The following TRPM4 variants were observed in gnomAD, a reference collection of about 807,000 sequenced individuals.
TRPM4 encodes transient receptor potential cation channel subfamily M member 4.
In TRPM4, 124 loss-of-function variants were observed where a neutral mutation model predicts 135.6. That is an observed-to-expected ratio of 0.91 (90% CI 0.79 to 1.06). TRPM4 has a LOEUF of 1.06. Among genes scored for constraint, TRPM4 ranks in the 50% least tolerant of loss-of-function variants. TRPM4 has a pLI of 0.00. For missense variants in TRPM4, 1,658 were observed against 1,671.4 expected, an observed-to-expected ratio of 0.99 and a Z score of 0.14; for synonymous variants, 745 against 705.6, an observed-to-expected ratio of 1.06 and a Z score of -0.88.
At chr19:49,161,746 C>T (rs1342020097) in intron 2 of TRPM4, among the ~76,000 whole-genome samples, 2 of 152,012 alleles carry the variant, frequency 1.3e-5, no homozygotes, top group African/African-American at 2.4e-5. Flanking sequence ...TCTCCTGCCT[C>T]AGCCCCCCGA....
In TRPM4 at chr19:49,165,921, C is replaced by A. The variant is rs974470371; in HGVS notation, c.93-120C>A. 6 of 1,055,378 alleles carry A rather than the reference C, an allele frequency of 5.7e-6. No individual in the cohort carries two copies. In the South Asian group the frequency reaches 9.0e-5, roughly 16 times the overall value. The allele number at this position is 1,055,378 out of a possible 1,614,324, so 65.4% of individuals were successfully genotyped here. A position where few individuals can be genotyped will look rare whatever the true frequency, so the allele number is the denominator to read the frequency against. On this transcript the variant is annotated intron_variant, in intron 2 of 24. Transcript: ENST00000252826. The stretch of plus-strand genomic sequence containing the variant: ...AGGGCCAGGGGCAGCGTGGACTCTG[C>A]CTGCCTCTGTGGGTGTGGACTCAGT...
chr19:49,196,708 G>T lies in TRPM4; in HGVS notation c.2479G>T (p.Glu827Ter), dbSNP rs1359936280. 2 of 1,552,016 alleles carry T rather than the reference G, an allele frequency of 1.3e-6. No homozygotes were observed. The highest frequency in any genetic ancestry group is 1.7e-6 in the Non-Finnish European group (2 of 1,154,960). Reference sequence around the variant, plus strand: ...TTTCTGGGCTTTCACGCTGCTGTGCGAGGAACTGCGCCAGGGCCTGAGCGG... The same window carrying T: ...TTTCTGGGCTTTCACGCTGCTGTGCTAGGAACTGCGCCAGGGCCTGAGCGG... ...LYFWAFTLLC[E>*]ELRQGLSGGG... The change falls in exon 17 of 25, where the codon GAG (glutamate) becomes TAG (stop). Residue 827 changes from glutamate (E) to a stop codon, truncating the protein, a stop_gained. Transcript: ENST00000252826. LOFTEE classifies it high-confidence loss of function.
Position 49,182,695 on chromosome 19 carries a change from G to T in TRPM4, c.1381G>T (p.Ala461Ser), listed in dbSNP as rs955127857. The change falls in exon 11 of 25, where the codon GCC (alanine) becomes TCC (serine). Residue 461 changes from alanine (A) to serine (S), a missense_variant. This residue lies in a region of TRPM4 where 1,412 missense variants were observed against 1,408.7 expected (regional missense o/e 1.00). Transcript: ENST00000252826. ...CCACTTCCTGACCCCGATGCGCCTG[G>T]CCCAACTCTACAGCGCGGCGCCCTC... ...LGHFLTPMRL[A>S]QLYSAAPSNS... is the part of the protein sequence containing the mutation. 1 of 1,614,118 alleles carries T rather than the reference G, an allele frequency of 6.2e-7. No individual in the cohort carries two copies. Among genetic ancestry groups the T allele is most frequent in the African/African-American group, 1.3e-5 (1 of 75,060 alleles).
chr19:49,211,344 C>T lies in TRPM4; in HGVS notation c.3640+75C>T. 1.9e-6 allele frequency: 3 copies of T among 1,573,142 alleles called. No homozygotes were observed. Among genetic ancestry groups the T allele is most frequent in the Non-Finnish European group, 2.6e-6 (3 of 1,149,348 alleles). On this transcript the variant is annotated intron_variant, in intron 24 of 24. Coordinates refer to ENST00000252826, the MANE Select transcript of TRPM4 (RefSeq NM_017636.4). This position sits in a 1 kb window ranked among gnomAD's most constrained non-coding sequence, Gnocchi z 4.8. ...TTTGCGTGTTTTTCTCTCTCGGCAC[C>T]TTTCCAGTGTCCCTGGGTCACTCTC...
intron 2 of TRPM4, 166 bp downstream of exon 2, chr19:49,158,425 A>G: frequency 1.4e-6 from 1 of 693,172 alleles, no homozygotes. Context: ...GGGTCTGTGT[A>G]GACACCCCTC....
Position 49,189,067 on chromosome 19 carries a change from C to CTTCTT in TRPM4, c.1997_2001dup (p.Ala668SerfsTer11), listed in dbSNP as rs1729786443. The CTTCTT allele has an allele frequency of 1.2e-6, 2 of 1,614,196 alleles. No homozygotes were observed. Among genetic ancestry groups the CTTCTT allele is most frequent in the Non-Finnish European group, 8.5e-7 (1 of 1,180,028 alleles). On this transcript the variant is annotated frameshift_variant, in exon 14 of 25. Transcript: ENST00000252826. LOFTEE classifies it high-confidence loss of function. ...TGGCCATGCAAGCTGACGCCCGTGC[C>CTTCTT]TTCTTTGCCCAGGATGGGGTACAGG... is the stretch of plus-strand genomic sequence containing the variant.
At chr19:49,178,480 G>A (rs76188690) in intron 9 of TRPM4, among the ~76,000 whole-genome samples, 2 of 152,206 alleles carry the variant, frequency 1.3e-5, no homozygotes, top group African/African-American at 4.8e-5. Context: ...GAGGCTGGAC[G>A]TGGGACATGA....
chr19:49,202,947 A>G (rs1206187232), intron 20 of TRPM4, among the ~76,000 whole-genome samples: 1 of 139,912 alleles, frequency 7.1e-6, no homozygotes. Context: ...CAGTGGCACG[A>G]TCTCACAATC....
intron 9 of TRPM4, among the ~76,000 whole-genome samples, chr19:49,173,728 G>C (rs1415474643): frequency 7.2e-5 from 11 of 151,994 alleles, no homozygotes; most frequent in Admixed American, 3.3e-4. Flanking sequence ...TGTGATCACG[G>C]CTCAGTGCAG....
chr19:49,172,212 C>T, intron 9 of TRPM4, 104 bp downstream of exon 9: 1 of 882,252 alleles, frequency 1.1e-6, no homozygotes, highest in Non-Finnish European at 1.9e-6. Flanking sequence ...GGCCCATGCC[C>T]CCTTTACCCC....
intron 20 of TRPM4, among the ~76,000 whole-genome samples, chr19:49,202,847 T>C (rs1347901451): frequency 1.3e-5 from 2 of 149,592 alleles, no homozygotes; most frequent in African/African-American, 5.0e-5. Flanking sequence ...TTTTTTATTG[T>C]GGTAAAATTA....
In TRPM4 at chr19:49,202,113, C is replaced by G; in HGVS notation, c.3103C>G (p.Leu1035Val). The G allele has an allele frequency of 6.2e-7, 1 of 1,614,124 alleles. No homozygotes were observed. Among genetic ancestry groups the G allele is most frequent in the East Asian group, 2.2e-5 (1 of 44,868 alleles). The stretch of plus-strand genomic sequence containing the variant: ...CTTCCTGCTCGTGGCCAACATCCTG[C>G]TGGTCAACTTGCTCATTGCCATGTT... ...VIFLLVANIL[L>V]VNLLIAMFSY... Residue 1035 changes from leucine to valine, a missense_variant, in exon 20 of 25, where the codon CTG (leucine) becomes GTG (valine). Transcript: ENST00000252826.
chr19:49,198,139 A>G (rs972339181), intron 17 of TRPM4, among the ~76,000 whole-genome samples: 1 of 152,128 alleles, frequency 6.6e-6, no homozygotes, highest in Non-Finnish European at 1.5e-5. Flanking sequence ...AAGTGATTCA[A>G]CATAAATAAT....
chr19:49,189,711 A>G (rs546643723), intron 14 of TRPM4, among the ~76,000 whole-genome samples: 2 of 152,278 alleles, frequency 1.3e-5, no homozygotes, highest in African/African-American at 4.8e-5. Context: ...ACAGGGGCTC[A>G]GAGTCCCACT....
intron 10 of TRPM4, 123 bp from the exon 11 acceptor site, chr19:49,182,454 AT>A (rs1852331711): frequency 6.1e-4 from 56 of 91,504 alleles, no homozygotes; most frequent in Non-Finnish European, 1.1e-3. Flanking sequence ...CCATCCACCC[AT>A]CCATCCATCC....
At chr19:49,187,750 G>C (rs1968252060) in intron 12 of TRPM4, among the ~76,000 whole-genome samples, 1 of 152,196 alleles carries the variant, frequency 6.6e-6, no homozygotes, top group Admixed American at 6.6e-5. Flanking sequence ...TCTCCTCGAG[G>C]ATTCAGGGAT....
rs568769693 is a variant in TRPM4, at chr19:49,162,033, G to T, written c.92+3774G>T. Among the ~76,000 whole-genome samples the T allele has an allele frequency of 5.3e-5, 8 of 152,280 alleles. No homozygotes were observed. The East Asian group carries it at 1.5e-3, about 29-fold the overall frequency. ...ACTGGGAACACCTACACTCAAGGGA[G>T]GTGAAAAGCAAGAGAAAGCCACAAA... is the stretch of plus-strand genomic sequence containing the variant. On this transcript the variant is annotated intron_variant, in intron 2 of 24. Transcript: ENST00000252826.
chr19:49,193,458 G>T (rs1968490449), intron 16 of TRPM4, among the ~76,000 whole-genome samples: 1 of 152,164 alleles, frequency 6.6e-6, no homozygotes, highest in Admixed American at 6.6e-5. Flanking sequence ...TGAAATAATG[G>T]AGTCATTCAG....
intron 20 of TRPM4, among the ~76,000 whole-genome samples, chr19:49,207,387 T>C (rs1969188613): frequency 6.6e-6 from 1 of 152,070 alleles, no homozygotes; most frequent in Non-Finnish European, 1.5e-5. Context: ...CACAATACTT[T>C]AGGGAGCCAA....
Sources: gnomAD v4.1 joint callset for allele counts (sites outside exome capture counted in the v4.1 genomes callset) on GRCh38, gnomAD v4.1.1 for gene constraint, gnomAD v4.1.1 regional missense constraint, Gnocchi (gnomAD v3.1) non-coding constraint, MANE v1.5 for transcripts, NCBI Gene and HGNC (gene_info 2026-07-23, HGNC 2026-07-21) for gene names.